The following PKNOX2 variants were observed in gnomAD, a reference collection of about 807,000 sequenced individuals.
The protein encoded by PKNOX2 is homeobox protein PKNOX2.
Under a neutral mutation model 53.1 loss-of-function variants are expected in PKNOX2, and 14 were observed. The ratio of observed to expected loss-of-function variants is 0.26; its 90% CI spans 0.17 to 0.41. The LOEUF is 0.41. PKNOX2 is among the 10% of genes least tolerant of loss of function. The pLI is 1.00. For missense variants in PKNOX2, 496 were observed against 602.8 expected (o/e 0.82, Z 1.85); for synonymous variants, 257 against 242.8 (o/e 1.06, Z -0.54).
intron 2 of PKNOX2, among the ~76,000 whole-genome samples, chr11:125,296,306 A>G (rs967471701): frequency 6.6e-6 from 1 of 151,690 alleles, no homozygotes; most frequent in African/African-American, 2.4e-5. Flanking sequence ...CTCAAAGTCT[A>G]CTCCATAGTC....
rs1206557493 is a variant in PKNOX2 at position 125,432,920 on chromosome 11, T to A, written c.*1528T>A. 1 of 152,628 alleles carries A rather than the reference T, an allele frequency of 6.6e-6. No homozygotes were observed. Among genetic ancestry groups the A allele is most frequent in the Non-Finnish European group, 1.5e-5 (1 of 68,032 alleles). The allele number at this position is 152,628 out of a possible 1,614,324, so 9.5% of individuals were successfully genotyped here. A position where few individuals can be genotyped will look rare whatever the true frequency, so the allele number is the denominator to read the frequency against. Reference sequence around the variant, plus strand: ...TGGGGCTTCCCCTCCCCCACCTGGTTGGGGTAGAGCAAAAGGATGGTCACT... The same window carrying A: ...TGGGGCTTCCCCTCCCCCACCTGGTAGGGGTAGAGCAAAAGGATGGTCACT... On this transcript the variant is annotated 3_prime_UTR_variant, in exon 13 of 13. Coordinates refer to ENST00000298282, the MANE Select transcript of PKNOX2 (RefSeq NM_001382323.2).
intron 2 of PKNOX2, among the ~76,000 whole-genome samples, chr11:125,296,977 C>T (rs1397251437): frequency 6.6e-6 from 1 of 152,142 alleles, no homozygotes; most frequent in Non-Finnish European, 1.5e-5. Flanking sequence ...CCTATGAAGA[C>T]AGGGAATTTG....
intron 2 of PKNOX2, chr11:125,266,599 A>G (rs1945361777): frequency 6.6e-6 from 1 of 152,240 alleles, no homozygotes; most frequent in Non-Finnish European, 1.5e-5. Flanking sequence ...CAGTTTGCAA[A>G]GAGCTCCTCC....
chr11:125,200,145 C>T (rs181291897), intron 1 of PKNOX2, among the ~76,000 whole-genome samples: 1 of 152,316 alleles, frequency 6.6e-6, no homozygotes, highest in East Asian at 1.9e-4. Context: ...CTGGCCTTTC[C>T]CCCAGATGGT....
rs1322542100 is a variant in PKNOX2, at chr11:125,370,594, C to T, written c.227+2609C>T. On this transcript the variant is annotated intron_variant, in intron 5 of 12. Coordinates refer to ENST00000298282, the MANE Select transcript of PKNOX2 (RefSeq NM_001382323.2). This position sits in a 1 kb window ranked among gnomAD's most constrained non-coding sequence, Gnocchi z 4.1. ...CGGCTGCCCCAGCACCTCAGGACACCGAGCTGACAGCAGCACCATGCTGGC... is the reference window on the plus strand; with the variant it reads ...CGGCTGCCCCAGCACCTCAGGACACTGAGCTGACAGCAGCACCATGCTGGC... Among the ~76,000 whole-genome samples, 1 of 152,202 alleles carries T rather than the reference C, an allele frequency of 6.6e-6. No individual in the cohort carries two copies. Among genetic ancestry groups the T allele is most frequent in the African/African-American group, 2.4e-5 (1 of 41,446 alleles).
rs117952463 is a variant in PKNOX2, at chr11:125,233,447, G to A, written c.-200-1598G>A. ...AAGGGTTGGTTCTGAGGTGCTGGTG[G>A]TGGACTCTGCTTGGAATGATGAGAG... is the stretch of plus-strand genomic sequence containing the variant. On this transcript the variant is annotated intron_variant, in intron 1 of 12. Transcript: ENST00000298282. 3.7e-3 allele frequency among the ~76,000 whole-genome samples: 571 copies of A among 152,314 alleles called. 5 individuals are homozygous for A. The highest frequency in any genetic ancestry group is 0.037 in the East Asian group (190 of 5,184).
In PKNOX2 at chr11:125,431,697, G is replaced by GCATCCATGGCCCC; in HGVS notation, c.*307_*308insTCCATGGCCCCCA. The stretch of plus-strand genomic sequence containing the variant: ...CTCACCAAATCCCTGAGGATAGATG[G>GCATCCATGGCCCC]CACCCATGGCCCCCACCCACGGAAG... On this transcript the variant is annotated 3_prime_UTR_variant, in exon 13 of 13. Transcript: ENST00000298282. 1 of 378,144 alleles carries GCATCCATGGCCCC rather than the reference G, an allele frequency of 2.6e-6. No homozygotes were observed. Among genetic ancestry groups the GCATCCATGGCCCC allele is most frequent in the Non-Finnish European group, 4.9e-6 (1 of 205,202 alleles). 23.4% of individuals were successfully genotyped at this position (378,144 alleles called of 1,614,324 possible). A position where few individuals can be genotyped will look rare whatever the true frequency, so the allele number is the denominator to read the frequency against.
intron 10 of PKNOX2, among the ~76,000 whole-genome samples, chr11:125,421,418 C>T (rs889945835): frequency 2.0e-5 from 3 of 152,190 alleles, no homozygotes; most frequent in Non-Finnish European, 4.4e-5. Flanking sequence ...AAAGAAGACT[C>T]GGGCAGCCTG....
chr11:125,366,014 G>A (rs2136269787), intron 4 of PKNOX2, among the ~76,000 whole-genome samples: 1 of 152,336 alleles, frequency 6.6e-6, no homozygotes, highest in East Asian at 1.9e-4. Context: ...AGATAAGTGT[G>A]AAGATTACTG....
At chr11:125,406,555 T>C (rs1271788752) in intron 7 of PKNOX2, among the ~76,000 whole-genome samples, 1 of 152,150 alleles carries the variant, frequency 6.6e-6, no homozygotes, top group South Asian at 2.1e-4. Flanking sequence ...AATAAATTAT[T>C]GGATGGCTAA....
At chr11:125,259,345 G>A (rs1320647699) in intron 2 of PKNOX2, among the ~76,000 whole-genome samples, 1 of 152,136 alleles carries the variant, frequency 6.6e-6, no homozygotes, top group Non-Finnish European at 1.5e-5. Context: ...CATACATAAG[G>A]TAATCCCTAA....
intron 2 of PKNOX2, among the ~76,000 whole-genome samples, chr11:125,278,499 T>C (rs1946331043): frequency 1.3e-5 from 2 of 152,166 alleles, no homozygotes; most frequent in Non-Finnish European, 2.9e-5. Context: ...AGACTCCCGA[T>C]GATGGCTCAG....
intron 5 of PKNOX2, among the ~76,000 whole-genome samples, chr11:125,369,405 G>A (rs1365539163): frequency 6.6e-6 from 1 of 152,218 alleles, no homozygotes; most frequent in Non-Finnish European, 1.5e-5. Flanking sequence ...AGCCACCCCA[G>A]TGTGGGATGG....
At chr11:125,286,089 C>T (rs148589253) in intron 2 of PKNOX2, among the ~76,000 whole-genome samples, 4 of 152,198 alleles carry the variant, frequency 2.6e-5, no homozygotes, top group Non-Finnish European at 5.9e-5. Context: ...CATGAAGGAC[C>T]GTAAGAAAGG....
At chr11:125,239,882 C>G (rs1017181317) in intron 2 of PKNOX2, among the ~76,000 whole-genome samples, 6 of 152,192 alleles carry the variant, frequency 3.9e-5, no homozygotes, top group African/African-American at 1.4e-4. Flanking sequence ...GTTGGTCCAG[C>G]TTAATTGGTG....
chr11:125,224,699 C>T (rs117143883), intron 1 of PKNOX2, among the ~76,000 whole-genome samples: 313 of 152,322 alleles, frequency 2.1e-3, no homozygotes, highest in Non-Finnish European at 2.9e-3. Flanking sequence ...ACACCAGCCG[C>T]GGCTGCCTTC....
At chr11:125,367,694 G>A (rs748632740) in intron 4 of PKNOX2, 152 bp from the exon 5 acceptor site, 37 of 766,872 alleles carry the variant, frequency 4.8e-5, no homozygotes, top group South Asian at 3.1e-4. Context: ...TGTAGCACAC[G>A]TACGAATGGA....
intron 2 of PKNOX2, chr11:125,258,775 G>A (rs1404971704): frequency 1.9e-5 from 5 of 261,488 alleles, no homozygotes; most frequent in Non-Finnish European, 2.4e-5. Context: ...GGCTGCCAGA[G>A]GGTGGATGAC....
intron 5 of PKNOX2, among the ~76,000 whole-genome samples, chr11:125,384,788 T>C (rs1204678290): frequency 6.6e-6 from 1 of 151,894 alleles, no homozygotes; most frequent in Non-Finnish European, 1.5e-5. Context: ...CCCTCTTCAC[T>C]CATTGATTCC....
Sources: gnomAD v4.1 joint callset for allele counts (sites outside exome capture counted in the v4.1 genomes callset) on GRCh38, gnomAD v4.1.1 for gene constraint, Gnocchi (gnomAD v3.1) non-coding constraint, MANE v1.5 for transcripts, NCBI Gene and HGNC (gene_info 2026-07-23, HGNC 2026-07-21) for gene names.